NRP1: variants seen among roughly 807,000 people sequenced by gnomAD.
NRP1 encodes the protein neuropilin-1.
Under a neutral mutation model 106.7 loss-of-function variants are expected in NRP1, and 35 were observed. That is an observed-to-expected ratio of 0.33 (90% CI 0.25 to 0.43). NRP1 has a LOEUF of 0.43. Ranked by LOEUF, NRP1 falls within the 20% of genes least tolerant of loss-of-function variation. The pLI is 1.00. For synonymous variants in NRP1, 437 were observed against 417.9 expected, an observed-to-expected ratio of 1.05 and a Z score of -0.56; for missense variants, 1,024 against 1,170.4, an observed-to-expected ratio of 0.87 and a Z score of 1.83.
intron 2 of NRP1, among the ~76,000 whole-genome samples, chr10:33,294,754 A>G (rs1191857325): frequency 6.6e-6 from 1 of 152,220 alleles, no homozygotes; most frequent in Admixed American, 6.5e-5. Context: ...AGGGTTCACC[A>G]GGCGTAAGGG....
intron 15 of NRP1, among the ~76,000 whole-genome samples, chr10:33,184,793 A>G (rs935552668): frequency 2.0e-5 from 3 of 152,184 alleles, no homozygotes; most frequent in Non-Finnish European, 4.4e-5. Context: ...ATTATATAAT[A>G]AAAGCTTTGT....
chr10:33,278,022 A>G (rs552258477), intron 2 of NRP1, among the ~76,000 whole-genome samples: 60 of 152,230 alleles, frequency 3.9e-4, no homozygotes, highest in African/African-American at 1.4e-3. Flanking sequence ...AGTCCTTTCA[A>G]TACACCCCAC....
In NRP1 at chr10:33,291,664, G is replaced by A. The variant is rs1292582195; in HGVS notation, c.249-20808C>T. 2.0e-5 allele frequency among the ~76,000 whole-genome samples: 3 copies of A among 152,110 alleles called. No homozygotes were observed. In the South Asian group the frequency reaches 6.2e-4, roughly 32 times the overall value. On this transcript the variant is annotated intron_variant, in intron 2 of 16. Transcript: ENST00000374867. ...TATGGTGTTGGCATGAATTCTAGACGTAAACTCAAAGGGATTGGAAACTTG... is the reference window on the plus strand; with the variant it reads ...TATGGTGTTGGCATGAATTCTAGACATAAACTCAAAGGGATTGGAAACTTG...
At chr10:33,229,299 G>C (rs985820621) in intron 6 of NRP1, among the ~76,000 whole-genome samples, 3 of 152,126 alleles carry the variant, frequency 2.0e-5, no homozygotes, top group Non-Finnish European at 4.4e-5. Flanking sequence ...TCACAATGCC[G>C]CAATCTAAAA....
At chr10:33,282,062 G>C (rs1346261518) in intron 2 of NRP1, among the ~76,000 whole-genome samples, 3 of 151,914 alleles carry the variant, frequency 2.0e-5, no homozygotes. Flanking sequence ...TGCTCTCAAA[G>C]CTCAATCAAT....
intron 2 of NRP1, among the ~76,000 whole-genome samples, chr10:33,289,058 C>T (rs2132613873): frequency 6.6e-6 from 1 of 152,284 alleles, no homozygotes; most frequent in African/African-American, 2.4e-5. Flanking sequence ...ACAACCACCG[C>T]ATAGCCCAGG....
intron 2 of NRP1, among the ~76,000 whole-genome samples, chr10:33,274,603 G>C (rs1468401870): frequency 6.6e-6 from 1 of 152,116 alleles, no homozygotes; most frequent in East Asian, 1.9e-4. Context: ...TCTCTGGTGA[G>C]TACAAGTGAC....
chr10:33,202,568 G>GGGGC, intron 11 of NRP1: 2 of 1,121,026 alleles, frequency 1.8e-6, no homozygotes, highest in Non-Finnish European at 2.3e-6. Context: ...ACGTGTTATT[G>GGGGC]GGGGGGGGTC....
intron 6 of NRP1, among the ~76,000 whole-genome samples, chr10:33,249,261 C>T (rs1841668067): frequency 6.6e-6 from 1 of 151,972 alleles, no homozygotes; most frequent in East Asian, 1.9e-4. Context: ...TTAAATTCTG[C>T]TTTGCGTGTC....
At chr10:33,293,450 A>G (rs1429304859) in intron 2 of NRP1, among the ~76,000 whole-genome samples, 1 of 152,202 alleles carries the variant, frequency 6.6e-6, no homozygotes, top group African/African-American at 2.4e-5. Flanking sequence ...ATTGTGCCAG[A>G]AACAAGGAAA....
At chr10:33,319,118 C>A (rs1847261890) in intron 2 of NRP1, among the ~76,000 whole-genome samples, 1 of 151,034 alleles carries the variant, frequency 6.6e-6, no homozygotes, top group African/African-American at 2.4e-5. Context: ...CATTCTCCTG[C>A]CTCAGCCTCC....
chr10:33,198,146 T>TTTA (rs201315383), intron 11 of NRP1, among the ~76,000 whole-genome samples: 32,789 of 143,700 alleles, frequency 0.23, 4,265 homozygotes, highest in East Asian at 0.59. Context: ...ATTTTTAAAT[T>TTTA]TTTTTTTTTT....
intron 6 of NRP1, among the ~76,000 whole-genome samples, chr10:33,236,349 T>G (rs1258432735): frequency 6.6e-6 from 1 of 152,272 alleles, no homozygotes; most frequent in Non-Finnish European, 1.5e-5. Context: ...AATCAGCGCA[T>G]GTGCTCTTGC....
Position 33,179,104 on chromosome 10 carries a change from T to C in NRP1, c.*972A>G, listed in dbSNP as rs1835526449. The C allele has an allele frequency of 1.3e-5, 2 of 152,530 alleles. No individual in the cohort carries two copies. Among genetic ancestry groups the C allele is most frequent in the Non-Finnish European group, 2.9e-5 (2 of 68,022 alleles). 9.4% of individuals were successfully genotyped at this position (152,530 alleles called of 1,614,324 possible). A position where few individuals can be genotyped will look rare whatever the true frequency, so the allele number is the denominator to read the frequency against. ...AATATTGTAGCTTTATACAAAAGGG[T>C]CAAGAAACATGAAATTGAACTACAG... is the stretch of plus-strand genomic sequence containing the variant. On this transcript the variant is annotated 3_prime_UTR_variant, in exon 17 of 17. Coordinates refer to ENST00000374867, the MANE Select transcript of NRP1 (RefSeq NM_003873.7).
chr10:33,192,203 A>G (rs1453744546), intron 13 of NRP1, 78 bp downstream of exon 13: 17 of 1,507,252 alleles, frequency 1.1e-5, no homozygotes, highest in Non-Finnish European at 1.4e-5. Context: ...CACAGACATT[A>G]GAAACCCTCC....
In NRP1 at chr10:33,183,477, C is replaced by T. The variant is rs1009130144; in HGVS notation, c.2432-729G>A. 7.9e-5 allele frequency among the ~76,000 whole-genome samples: 12 copies of T among 152,206 alleles called. No individual in the cohort carries two copies. In the South Asian group the frequency reaches 2.5e-3, roughly 32 times the overall value. On this transcript the variant is annotated intron_variant, in intron 15 of 16. Transcript: ENST00000374867. ...CCTATAGTTTGTAGATAACTGCTTC[C>T]TAAATTTAGTGTGCGTTAGTTTGGC...
chr10:33,205,109 T>C (rs1837660659), intron 10 of NRP1, among the ~76,000 whole-genome samples: 1 of 152,188 alleles, frequency 6.6e-6, no homozygotes, highest in African/African-American at 2.4e-5. Context: ...GTGGACTGCA[T>C]CTTTCTCCTG....
intron 2 of NRP1, among the ~76,000 whole-genome samples, chr10:33,291,498 G>C (rs1844988871): frequency 6.6e-6 from 1 of 152,222 alleles, no homozygotes; most frequent in Non-Finnish European, 1.5e-5. Context: ...CTGTAATTTG[G>C]AGACAAGACT....
chr10:33,324,752 C>T (rs1278564706), intron 2 of NRP1, among the ~76,000 whole-genome samples: 2 of 152,144 alleles, frequency 1.3e-5, no homozygotes, highest in African/African-American at 4.8e-5. Context: ...ATTCTCTTGC[C>T]TCAGCCTCCC....
Sources: allele counts gnomAD v4.1 joint callset (sites outside exome capture counted in the v4.1 genomes callset), GRCh38; gene constraint gnomAD v4.1.1; transcripts MANE v1.5; gene names NCBI Gene and HGNC (gene_info 2026-07-23, HGNC 2026-07-21).